AASS: variants seen among roughly 807,000 people sequenced by gnomAD.
AASS encodes the protein aminoadipate-semialdehyde synthase.
Under a neutral mutation model 105.4 loss-of-function variants are expected in AASS, and 86 were observed. That is an observed-to-expected ratio of 0.82 (90% CI 0.69 to 0.98). The LOEUF (loss-of-function observed/expected upper bound fraction) is 0.98. Among genes scored for constraint, AASS ranks in the 50% least tolerant of loss-of-function variants. The pLI, the probability that AASS is intolerant of heterozygous loss-of-function variation, is 0.00. For synonymous variants in AASS, 381 were observed against 394.8 expected (o/e 0.96, Z 0.41); for missense variants, 1,048 against 1,143.2 (o/e 0.92, Z 1.20).
chr7:122,078,733 T>C, intron 22 of AASS, 129 bp downstream of exon 22: 1 of 828,866 alleles, frequency 1.2e-6, no homozygotes, highest in Non-Finnish European at 2.1e-6. Context: ...AATAGTCCAA[T>C]TGCCCTTTTC....
intron 1 of AASS, among the ~76,000 whole-genome samples, chr7:122,141,428 A>G (rs1050583462): frequency 6.6e-6 from 1 of 152,168 alleles, no homozygotes; most frequent in African/African-American, 2.4e-5. Flanking sequence ...TTATCTGCTT[A>G]CTTGTCTGTC....
intron 19 of AASS, among the ~76,000 whole-genome samples, chr7:122,084,894 G>T (rs1312503897): frequency 6.6e-6 from 1 of 152,016 alleles, no homozygotes; most frequent in African/African-American, 2.4e-5. Context: ...TTGCAGTCAG[G>T]TCTCTGATCC....
intron 13 of AASS, among the ~76,000 whole-genome samples, chr7:122,101,029 TTTTCC>T (rs1794400079): frequency 6.6e-6 from 1 of 151,864 alleles, no homozygotes; most frequent in Non-Finnish European, 1.5e-5. Flanking sequence ...AGTGTGCTCA[TTTTCC>T]TTTGAGAAAA....
At chr7:122,100,939 A>C (rs141537843) in intron 13 of AASS, among the ~76,000 whole-genome samples, 7 of 151,992 alleles carry the variant, frequency 4.6e-5, no homozygotes, top group African/African-American at 1.4e-4. Flanking sequence ...CCACGAATTC[A>C]CTTCCCTGAA....
Position 122,075,512 on chromosome 7 carries a change from A to AG in AASS, c.*976dup, listed in dbSNP as rs1562895706. On this transcript the variant is annotated 3_prime_UTR_variant, in exon 24 of 24. Coordinates refer to ENST00000417368, the MANE Select transcript of AASS (RefSeq NM_005763.4). The stretch of plus-strand genomic sequence containing the variant: ...ACATCCTTGTCTTGTTTCTGATCTC[A>AG]GGGGGAAATAATCCAGTCCTTCACC... 6.6e-6 allele frequency: 1 copy of AG among 152,214 alleles called. No homozygotes were observed. The highest frequency in any genetic ancestry group is 2.1e-4 in the South Asian group (1 of 4,834). The allele number at this position is 152,214 out of a possible 1,614,324, so 9.4% of individuals were successfully genotyped here.
At chr7:122,086,501 A>C (rs1793632337) in intron 18 of AASS, among the ~76,000 whole-genome samples, 2 of 151,676 alleles carry the variant, frequency 1.3e-5, no homozygotes, top group Non-Finnish European at 2.9e-5. Flanking sequence ...AAAAAATATA[A>C]ACATTTAGAA....
chr7:122,113,447 G>A (rs756617027), intron 10 of AASS, 151 bp downstream of exon 10: 6 of 1,015,190 alleles, frequency 5.9e-6, no homozygotes, highest in Non-Finnish European at 8.8e-6. Flanking sequence ...GTGTTCAAAT[G>A]TGCATGTTTT....
Position 122,075,584 on chromosome 7 carries a change from A to C in AASS, c.*905T>G, listed in dbSNP as rs1792961697. 6.6e-6 allele frequency: 1 copy of C among 152,170 alleles called. No individual in the cohort carries two copies. Among genetic ancestry groups the C allele is most frequent in the South Asian group, 2.1e-4 (1 of 4,830 alleles). The allele number at this position is 152,170 out of a possible 1,614,324, so 9.4% of individuals were successfully genotyped here. A position where few individuals can be genotyped will look rare whatever the true frequency, so the allele number is the denominator to read the frequency against. Reference sequence around the variant, plus strand: ...GGGTTCTTCATAGATGCCCTTTATCAGGTTGAGGAAGTTTCCTTCTATTCC... The same window carrying C: ...GGGTTCTTCATAGATGCCCTTTATCCGGTTGAGGAAGTTTCCTTCTATTCC... On this transcript the variant is annotated 3_prime_UTR_variant, in exon 24 of 24. Transcript: ENST00000417368.
At chr7:122,087,180 AT>A (rs1379774197) in intron 18 of AASS, among the ~76,000 whole-genome samples, 2 of 152,178 alleles carry the variant, frequency 1.3e-5, no homozygotes, top group Admixed American at 6.6e-5. Flanking sequence ...GATTCACAGG[AT>A]TTGCCTGAAG....
chr7:122,087,946 G>C (rs902724339), intron 18 of AASS, among the ~76,000 whole-genome samples: 8 of 152,154 alleles, frequency 5.3e-5, no homozygotes, highest in Non-Finnish European at 1.0e-4. Flanking sequence ...CATTTAGTGA[G>C]AATGGCAGGT....
intron 3 of AASS, among the ~76,000 whole-genome samples, chr7:122,127,512 CTAAAG>C (rs1259475955): frequency 1.3e-5 from 2 of 151,772 alleles, no homozygotes; most frequent in African/African-American, 4.8e-5. Flanking sequence ...AAAAAAGTTC[CTAAAG>C]TAATTTATAA....
chr7:122,126,377 G>T lies in AASS; in HGVS notation c.470C>A (p.Ala157Glu). The change falls in exon 4 of 24, where the codon GCA becomes GAA. Residue 157 changes from alanine to glutamate, a missense_variant and splice_region_variant. Ala to Glu is a moderately radical substitution (Grantham distance 107, BLOSUM62 -1). Transcript: ENST00000417368. ...VVAFGQWAGV[A>E]GMINILHGMG... ...GATGTAAGCCCTGGCATACTTACCT[G>T]CCACACCAGCCCACTGTCCAAATGC... 3 of 1,613,720 alleles carry T rather than the reference G, an allele frequency of 1.9e-6. No individual in the cohort carries two copies. Among genetic ancestry groups the T allele is most frequent in the Non-Finnish European group, 2.5e-6 (3 of 1,179,750 alleles).
At chr7:122,131,615 A>AAT (rs201974171) in intron 2 of AASS, among the ~76,000 whole-genome samples, 332 of 150,748 alleles carry the variant, frequency 2.2e-3, no homozygotes, top group African/African-American at 6.8e-3. Flanking sequence ...ATGATTAAAT[A>AAT]ATATATATAT....
At chr7:122,121,334 T>C (rs1180980090) in intron 4 of AASS, among the ~76,000 whole-genome samples, 1 of 152,232 alleles carries the variant, frequency 6.6e-6, no homozygotes, top group Non-Finnish European at 1.5e-5. Context: ...GTTTTATTTC[T>C]ACCTGTGTTA....
intron 7 of AASS, 47 bp downstream of exon 7, chr7:122,116,832 C>T (rs375077227): frequency 4.0e-5 from 65 of 1,611,096 alleles, no homozygotes; most frequent in Non-Finnish European, 4.6e-5. Flanking sequence ...AATATTATAA[C>T]ATAGACTGTT....
In AASS at chr7:122,077,849, ATT is replaced by A; in HGVS notation, c.2649_2650del (p.Lys883AsnfsTer4). 6.2e-7 allele frequency: 1 copy of A among 1,614,162 alleles called. No homozygotes were observed. Among genetic ancestry groups the A allele is most frequent in the Non-Finnish European group, 8.5e-7 (1 of 1,180,026 alleles). On this transcript the variant is annotated frameshift_variant, in exon 23 of 24. Coordinates refer to ENST00000417368, the MANE Select transcript of AASS (RefSeq NM_005763.4). LOFTEE classifies it high-confidence loss of function. Reference sequence around the variant, plus strand: ...ATGAACAGACTTACCATCAAGCAACATTTTGGCTGCCATGGCGGTGGGTAACC... The same window carrying A: ...ATGAACAGACTTACCATCAAGCAACATTGGCTGCCATGGCGGTGGGTAACC...
At position 122,098,858 on chromosome 7, in the gene AASS, G is replaced by A. The variant is rs761735188; in HGVS notation, c.1415C>T (p.Ala472Val). ...IQTLRESRER[A>V]QSLSMGTRRK... Reference sequence around the variant, plus strand: ...CCTGGTGCCCATTGAAAGTGACTGAGCACGTTCCCTATTTAAAAAAAAAAA... The same window carrying A: ...CCTGGTGCCCATTGAAAGTGACTGAACACGTTCCCTATTTAAAAAAAAAAA... Residue 472 changes from alanine (A) to valine (V), a missense_variant, in exon 14 of 24, where the codon GCT (alanine) becomes GTT (valine). Coordinates refer to ENST00000417368, the MANE Select transcript of AASS (RefSeq NM_005763.4). 3.2e-5 allele frequency: 42 copies of A among 1,308,794 alleles called. No individual in the cohort carries two copies. The highest frequency in any genetic ancestry group is 4.3e-5 in the Non-Finnish European group (41 of 960,030). 81.1% of individuals were successfully genotyped at this position (1,308,794 alleles called of 1,614,324 possible).
At position 122,129,442 on chromosome 7, in the gene AASS, G is replaced by A. The variant is rs1795806046; in HGVS notation, c.306C>T (p.Ser102=). ...GGGAGAAAAATGCATAAGTCTTCCT[G>A]GACATTAATTTTTCCTCTGGAGGTC... ...VKRPPEEKLM[S]RKTYAFFSHT... The change falls in exon 3 of 24, where the codon TCC becomes TCT. Residue 102 remains serine (S), a synonymous_variant. Transcript: ENST00000417368. 4 of 1,613,364 alleles carry A rather than the reference G, an allele frequency of 2.5e-6. No individual in the cohort carries two copies. The highest frequency in any genetic ancestry group is 3.4e-6 in the Non-Finnish European group (4 of 1,179,586).
At chr7:122,112,224 G>A (rs895921659) in intron 11 of AASS, among the ~76,000 whole-genome samples, 6 of 152,184 alleles carry the variant, frequency 3.9e-5, no homozygotes, top group African/African-American at 1.4e-4. Flanking sequence ...GTTTTCATGA[G>A]TACTTAAAAT....
Sources: gnomAD v4.1 joint callset for allele counts (sites outside exome capture counted in the v4.1 genomes callset) on GRCh38, gnomAD v4.1.1 for gene constraint, MANE v1.5 for transcripts, NCBI Gene and HGNC (gene_info 2026-07-23, HGNC 2026-07-21) for gene names.